Variants in PLBD2 observed in about 807,000 individuals in gnomAD.
PLBD2 encodes putative aminopeptidase PLBD2.
A neutral mutation model predicts 68.3 loss-of-function variants in PLBD2; 51 were observed. The ratio of observed to expected loss-of-function variants is 0.75; its 90% CI spans 0.60 to 0.94. PLBD2 has a LOEUF of 0.94. Among genes scored for constraint, PLBD2 ranks in the 40% least tolerant of loss-of-function variants. The probability of loss-of-function intolerance (pLI) is 0.00; values close to 1 mark genes in which losing one functional copy is unlikely to be tolerated. For synonymous variants in PLBD2, 314 were observed against 339.3 expected (o/e 0.93, Z 0.82); for missense variants, 729 against 792.2 (o/e 0.92, Z 0.96).
intron 1 of PLBD2, among the ~76,000 whole-genome samples, chr12:113,362,791 A>T (rs951519366): frequency 4.8e-5 from 7 of 145,734 alleles, no homozygotes; most frequent in African/African-American, 1.3e-4. Context: ...CTTTTGATTT[A>T]TTTTTTTTTT....
chr12:113,361,341 G>GTTTT (rs1371619529), intron 1 of PLBD2, among the ~76,000 whole-genome samples: 4 of 110,848 alleles, frequency 3.6e-5, no homozygotes, highest in African/African-American at 6.7e-5. Flanking sequence ...TTTTTTTTTT[G>GTTTT]TTTTTTTTTT....
In PLBD2 at chr12:113,374,903, C is replaced by T; in HGVS notation, c.755C>T (p.Pro252Leu). ...TGTTCTGCCCTCATCAAGCTGCTCC[C>T]TGGCCAGAGTGACCTCCTGGTTGCC... ...GSCSALIKLL[P>L]GQSDLLVAHN... is the part of the protein sequence containing the mutation. Residue 252 changes from proline to leucine, a missense_variant, in exon 5 of 12, where the codon CCT becomes CTT. By Grantham distance (98) the Pro-to-Leu change is moderately conservative. Transcript: ENST00000280800. 6.2e-7 allele frequency: 1 copy of T among 1,614,158 alleles called. No individual in the cohort carries two copies. The highest frequency in any genetic ancestry group is 8.5e-7 in the Non-Finnish European group (1 of 1,180,042).
chr12:113,383,298 C>A (rs1375603262), intron 6 of PLBD2, among the ~76,000 whole-genome samples: 1 of 152,114 alleles, frequency 6.6e-6, no homozygotes, highest in East Asian at 1.9e-4. Flanking sequence ...GGTTGCCCAG[C>A]TTGGTGAGGG....
chr12:113,383,103 G>C (rs544304420), intron 6 of PLBD2, among the ~76,000 whole-genome samples: 1 of 152,294 alleles, frequency 6.6e-6, no homozygotes, highest in East Asian at 1.9e-4. Flanking sequence ...AGCAGGAAAT[G>C]GAGAAGGGAG....
At chr12:113,378,683 CTTT>C (rs767651572) in intron 5 of PLBD2, among the ~76,000 whole-genome samples, 2 of 140,764 alleles carry the variant, frequency 1.4e-5, no homozygotes, top group African/African-American at 2.6e-5. Flanking sequence ...TTTTCCTTTC[CTTT>C]TTTTTTTTTT....
intron 9 of PLBD2, among the ~76,000 whole-genome samples, chr12:113,386,612 C>G (rs149839830): frequency 1.3e-4 from 19 of 151,568 alleles, no homozygotes; most frequent in African/African-American, 4.1e-4. Context: ...CTCCACCTTC[C>G]AGGTTCAAGT....
chr12:113,369,281 T>C (rs969722847), intron 2 of PLBD2, 72 bp downstream of exon 2: 28 of 1,336,396 alleles, frequency 2.1e-5, no homozygotes, highest in Admixed American at 6.7e-5. Context: ...CAGTGTGCTT[T>C]TGAGATGTGT....
chr12:113,388,393 A>T, intron 11 of PLBD2, 66 bp from the exon 12 acceptor site: 3 of 1,428,494 alleles, frequency 2.1e-6, no homozygotes, highest in Non-Finnish European at 2.8e-6. Context: ...TCAGGGTGGG[A>T]GGCTGGGTGC....
Position 113,388,907 on chromosome 12 carries a change from T to C in PLBD2, c.*281T>C. On this transcript the variant is annotated 3_prime_UTR_variant, in exon 12 of 12. Transcript: ENST00000280800. ...GTTTCCTACTGCTGCTCTCTCAACC[T>C]CATTCCCACCTCTGGGGCCCCTTCC... 2 of 301,694 alleles carry C rather than the reference T, an allele frequency of 6.6e-6. No individual in the cohort carries two copies. The highest frequency in any genetic ancestry group is 1.2e-5 in the Non-Finnish European group (2 of 165,176). 18.7% of individuals were successfully genotyped at this position (301,694 alleles called of 1,614,324 possible). A position where few individuals can be genotyped will look rare whatever the true frequency, so the allele number is the denominator to read the frequency against.
rs1024803660 is a variant in PLBD2, at chr12:113,358,597, G to A, written c.-4G>A. 2.7e-6 allele frequency: 4 copies of A among 1,467,306 alleles called. No individual in the cohort carries two copies. The highest frequency in any genetic ancestry group is 1.5e-5 in the African/African-American group (1 of 67,546). 90.9% of individuals were successfully genotyped at this position (1,467,306 alleles called of 1,614,324 possible). A position where few individuals can be genotyped will look rare whatever the true frequency, so the allele number is the denominator to read the frequency against. ...CGGGCTGCGGGGCGCAGCATTGTGC[G>A]GTCATGGTGGGCCAGATGTACTGCT... On this transcript the variant is annotated 5_prime_UTR_variant, in exon 1 of 12. Transcript: ENST00000280800.
chr12:113,358,690 G>C lies in PLBD2; in HGVS notation c.90G>C (p.Leu30=). 7.0e-7 allele frequency: 1 copy of C among 1,427,236 alleles called. No individual in the cohort carries two copies. The highest frequency in any genetic ancestry group is 3.0e-5 in the East Asian group (1 of 32,862). The allele number at this position is 1,427,236 out of a possible 1,614,324, so 88.4% of individuals were successfully genotyped here. A position where few individuals can be genotyped will look rare whatever the true frequency, so the allele number is the denominator to read the frequency against. ...ALALALVLAL[L]VGPFLSGLAG... ...CGCTGGCCCTGGTGCTGGCCCTGCT[G>C]GTCGGGCCGTTCCTGAGCGGCCTGG... Residue 30 remains leucine, a synonymous_variant, in exon 1 of 12, where the codon CTG becomes CTC. Coordinates refer to ENST00000280800, the MANE Select transcript of PLBD2 (RefSeq NM_173542.4).
intron 5 of PLBD2, among the ~76,000 whole-genome samples, chr12:113,375,334 A>G (rs557958620): frequency 6.6e-6 from 1 of 151,824 alleles, no homozygotes; most frequent in Non-Finnish European, 1.5e-5. Flanking sequence ...TTTTATTTTT[A>G]AGAGATGGAG....
Position 113,372,603 on chromosome 12 carries a change from G to T in PLBD2, c.385-46G>T, listed in dbSNP as rs762169897. The T allele has an allele frequency of 1.3e-6, 2 of 1,589,812 alleles. No homozygotes were observed. Among genetic ancestry groups the T allele is most frequent in the Non-Finnish European group, 1.7e-6 (2 of 1,165,176 alleles). ...GGGTGGGGGGCTCTCAGGGAAGAGA[G>T]CACCCCAGCTGCCCGCCCTTGCCTC... is the stretch of plus-strand genomic sequence containing the variant. On this transcript the variant is annotated intron_variant, in intron 2 of 11. Transcript: ENST00000280800. The surrounding 1 kb of genome is among the most constrained non-coding windows in gnomAD (Gnocchi z 4.2).
chr12:113,387,513 C>T (rs1412680472), intron 10 of PLBD2, among the ~76,000 whole-genome samples: 2 of 152,118 alleles, frequency 1.3e-5, no homozygotes, highest in African/African-American at 4.8e-5. Context: ...GGCATGGAGG[C>T]CTTCCCTGAG....
intron 3 of PLBD2, among the ~76,000 whole-genome samples, chr12:113,374,232 G>A (rs889560171): frequency 2.0e-5 from 3 of 152,170 alleles, no homozygotes; most frequent in African/African-American, 2.4e-5. Context: ...GCTCTTAAGT[G>A]GGGCTGATTT....
At chr12:113,388,338 A>C in intron 11 of PLBD2, 121 bp from the exon 12 acceptor site, 1 of 799,308 alleles carries the variant, frequency 1.3e-6, no homozygotes, top group Non-Finnish European at 1.7e-6. Context: ...CAGAGACTCA[A>C]AAAAAAAAAA....
Position 113,384,801 on chromosome 12 carries a change from G to T in PLBD2, c.1119-50G>T, listed in dbSNP as rs752296165. 5 of 1,502,204 alleles carry T rather than the reference G, an allele frequency of 3.3e-6. No homozygotes were observed. The allele number at this position is 1,502,204 out of a possible 1,614,324, so 93.1% of individuals were successfully genotyped here. On this transcript the variant is annotated intron_variant, in intron 7 of 11. Transcript: ENST00000280800. This position sits in a 1 kb window ranked among gnomAD's most constrained non-coding sequence, Gnocchi z 4.2. ...GGGACACTGCAGGGTGGGGAAAGCT[G>T]GGGAGGTGGCTCCAGGCTCTGTTCA...
In PLBD2 at chr12:113,387,919, C is replaced by G. The variant is rs1259065779; in HGVS notation, c.1602+13C>G. ...TATCGATGTGAAGGTGCTGCCTCCTCCCTAGGGCCTGAGCTGTGGGTGGGG... is the reference window on the plus strand; with the variant it reads ...TATCGATGTGAAGGTGCTGCCTCCTGCCTAGGGCCTGAGCTGTGGGTGGGG... On this transcript the variant is annotated intron_variant, in intron 11 of 11. Transcript: ENST00000280800. 4 of 1,613,606 alleles carry G rather than the reference C, an allele frequency of 2.5e-6. No homozygotes were observed. Among genetic ancestry groups the G allele is most frequent in the Non-Finnish European group, 3.4e-6 (4 of 1,179,588 alleles).
chr12:113,371,903 G>T (rs993631863), intron 2 of PLBD2, among the ~76,000 whole-genome samples: 2 of 152,226 alleles, frequency 1.3e-5, no homozygotes, highest in African/African-American at 2.4e-5. Flanking sequence ...CCTTCTTGTG[G>T]GTGGTAATAT....
Sources: gnomAD v4.1 joint callset for allele counts (sites outside exome capture counted in the v4.1 genomes callset) on GRCh38, gnomAD v4.1.1 for gene constraint, Gnocchi (gnomAD v3.1) non-coding constraint, MANE v1.5 for transcripts, NCBI Gene and HGNC (gene_info 2026-07-23, HGNC 2026-07-21) for gene names.